KCTD6: variants seen among roughly 807,000 people sequenced by gnomAD.
KCTD6 encodes BTB/POZ domain-containing protein KCTD6.
A neutral mutation model predicts 18.7 loss-of-function variants in KCTD6; 6 were observed. That is an observed-to-expected ratio of 0.32 (90% CI 0.18 to 0.63). The LOEUF is 0.63. Ranked by LOEUF, KCTD6 falls within the 30% of genes least tolerant of loss-of-function variation. The probability of loss-of-function intolerance (pLI) is 0.79; values close to 1 mark genes in which losing one functional copy is unlikely to be tolerated. For missense variants in KCTD6, 165 were observed against 300.2 expected (o/e 0.55, Z 3.33); for synonymous variants, 86 against 108.5 (o/e 0.79, Z 1.29).
chr3:58,500,866 C>T (rs1416396943), intron 2 of KCTD6, 80 bp from the exon 3 acceptor site: 6 of 876,544 alleles, frequency 6.8e-6, no homozygotes, highest in African/African-American at 6.7e-5. Context: ...GGGCTTTGCT[C>T]AGTATCACTT....
At chr3:58,500,064 T>C (rs752237556) in intron 2 of KCTD6, among the ~76,000 whole-genome samples, 8 of 152,126 alleles carry the variant, frequency 5.3e-5, no homozygotes, top group Non-Finnish European at 1.0e-4. Flanking sequence ...AAAGTATCAC[T>C]TCCATGAAAA....
In KCTD6 at chr3:58,498,405, G is replaced by A; in HGVS notation, c.-43-308G>A. On this transcript the variant is annotated intron_variant, in intron 1 of 2. Transcript: ENST00000404589. The surrounding 1 kb of genome is among the most constrained non-coding windows in gnomAD (Gnocchi z 4.6). ...TAAAAATTGATGTTCTAAGAAGAGAGGTAGAATTTGAATGACTGGGTTACT... is the reference window on the plus strand; with the variant it reads ...TAAAAATTGATGTTCTAAGAAGAGAAGTAGAATTTGAATGACTGGGTTACT... 1 of 228,060 alleles carries A rather than the reference G, an allele frequency of 4.4e-6. No individual in the cohort carries two copies. The highest frequency in any genetic ancestry group is 5.8e-5 in the Admixed American group (1 of 17,162). 14.1% of individuals were successfully genotyped at this position (228,060 alleles called of 1,614,324 possible). A position where few individuals can be genotyped will look rare whatever the true frequency, so the allele number is the denominator to read the frequency against.
intron 2 of KCTD6, among the ~76,000 whole-genome samples, chr3:58,499,547 C>CT (rs11418436): frequency 0.37 from 44,589 of 121,828 alleles, 8,660 homozygotes; most frequent in African/African-American, 0.42. Context: ...TTCTTTCTTC[C>CT]TTTTTTTTTT....
Position 58,498,659 on chromosome 3 carries a change from C to CTA in KCTD6, c.-43-53_-43-52insAT. The CTA allele has an allele frequency of 2.1e-6, 2 of 935,980 alleles. No individual in the cohort carries two copies. Among genetic ancestry groups the CTA allele is most frequent in the Non-Finnish European group, 3.5e-6 (2 of 577,420 alleles). The allele number at this position is 935,980 out of a possible 1,614,324, so 58.0% of individuals were successfully genotyped here. ...CTGTTGGGTGGAAAAAGACTTTCTT[C>CTA]TCTATTTTCCTAGTTATATATGCTA... is the stretch of plus-strand genomic sequence containing the variant. On this transcript the variant is annotated intron_variant, in intron 1 of 2. Transcript: ENST00000404589. This position sits in a 1 kb window ranked among gnomAD's most constrained non-coding sequence, Gnocchi z 4.6.
In KCTD6 at chr3:58,501,013, G is replaced by A. The variant is rs2063202563; in HGVS notation, c.95G>A (p.Arg32His). The A allele has an allele frequency of 6.2e-6, 10 of 1,613,550 alleles. No individual in the cohort carries two copies. Among genetic ancestry groups the A allele is most frequent in the Non-Finnish European group, 8.5e-6 (10 of 1,179,818 alleles). ...LYTTSLTTLT[R>H]YPDSMLGAMF... ...ACAACGTCTCTCACCACATTGACGC[G>A]TTACCCGGATTCCATGCTTGGAGCT... Residue 32 changes from arginine to histidine, a missense_variant, in exon 3 of 3, where the codon CGT becomes CAT. Transcript: ENST00000404589. The surrounding 1 kb of genome is among the most constrained non-coding windows in gnomAD (Gnocchi z 9.7).
At chr3:58,500,563 AT>A (rs1236767690) in intron 2 of KCTD6, among the ~76,000 whole-genome samples, 1 of 152,162 alleles carries the variant, frequency 6.6e-6, no homozygotes, top group Non-Finnish European at 1.5e-5. Context: ...ATTCAGAAAA[AT>A]GCAAGCCTTA....
rs181677247 is a variant in KCTD6 at position 58,498,395 on chromosome 3, T to G, written c.-43-318T>G. On this transcript the variant is annotated intron_variant, in intron 1 of 2. Coordinates refer to ENST00000404589, the MANE Select transcript of KCTD6 (RefSeq NM_001128214.2). This position sits in a 1 kb window ranked among gnomAD's most constrained non-coding sequence, Gnocchi z 4.6. ...ATATAAATTCTAAAAATTGATGTTC[T>G]AAGAAGAGAGGTAGAATTTGAATGA... 1.0e-3 allele frequency: 222 copies of G among 213,476 alleles called. 1 individual carries two copies. The highest frequency in any genetic ancestry group is 5.0e-3 in the Admixed American group (83 of 16,734). 13.2% of individuals were successfully genotyped at this position (213,476 alleles called of 1,614,324 possible).
intron 1 of KCTD6, chr3:58,494,257 T>G (rs1388346157): frequency 6.6e-6 from 1 of 152,228 alleles, no homozygotes; most frequent in Non-Finnish European, 1.5e-5. Context: ...CACATTATCC[T>G]TGTATGCCTG....
Position 58,496,164 on chromosome 3 carries a change from A to G in KCTD6, c.-43-2549A>G, listed in dbSNP as rs4681688. ...GCCTCAGGAGAATTTTTACAAACCC[A>G]TTATGACTGTTTAGTTAGGCTGAGT... On this transcript the variant is annotated intron_variant, in intron 1 of 2. Transcript: ENST00000404589. This position sits in a 1 kb window ranked among gnomAD's most constrained non-coding sequence, Gnocchi z 5.1. Among the ~76,000 whole-genome samples, 40,539 of 151,924 alleles carry G rather than the reference A, an allele frequency of 0.27. 5,616 individuals are homozygous for G. Among genetic ancestry groups the G allele is most frequent in the African/African-American group, 0.3 (12,484 of 41,440 alleles).
At chr3:58,499,750 G>C (rs2063196390) in intron 2 of KCTD6, among the ~76,000 whole-genome samples, 1 of 151,958 alleles carries the variant, frequency 6.6e-6, no homozygotes, top group Non-Finnish European at 1.5e-5. Flanking sequence ...ATGTTGCCCA[G>C]GCTGGTCAGC....
rs184218210 is a variant in KCTD6 at position 58,493,543 on chromosome 3, C to T, written c.-44+1374C>T. ...AAGAAGTTCCTTCTGAGATCAGGAG[C>T]TCAGGTGTTTGGTGAACTCTGGGAA... On this transcript the variant is annotated intron_variant, in intron 1 of 2. Coordinates refer to ENST00000404589, the MANE Select transcript of KCTD6 (RefSeq NM_001128214.2). This position sits in a 1 kb window ranked among gnomAD's most constrained non-coding sequence, Gnocchi z 4.5. Among the ~76,000 whole-genome samples the T allele has an allele frequency of 3.6e-4, 55 of 152,302 alleles. No individual in the cohort carries two copies. Among genetic ancestry groups the T allele is most frequent in the African/African-American group, 1.3e-3 (54 of 41,568 alleles).
At chr3:58,500,570 C>G (rs2063200580) in intron 2 of KCTD6, among the ~76,000 whole-genome samples, 1 of 151,736 alleles carries the variant, frequency 6.6e-6, no homozygotes, top group African/African-American at 2.4e-5. Context: ...AAAATGCAAG[C>G]CTTAAAAAAA....
chr3:58,495,454 C>G (rs2063171254), intron 1 of KCTD6, among the ~76,000 whole-genome samples: 1 of 152,134 alleles, frequency 6.6e-6, no homozygotes, highest in South Asian at 2.1e-4. Context: ...GTCGTCAATT[C>G]AGAATTCAGA....
chr3:58,501,054 T>A lies in KCTD6; in HGVS notation c.136T>A (p.Phe46Ile). The change falls in exon 3 of 3, where the codon TTC becomes ATC. Residue 46 changes from phenylalanine to isoleucine, a missense_variant. Around this residue, in one of 2 missense-constraint regions of KCTD6, gnomAD observed 59 missense variants for 69.9 expected, o/e 0.84. Coordinates refer to ENST00000404589, the MANE Select transcript of KCTD6 (RefSeq NM_001128214.2). This position sits in a 1 kb window ranked among gnomAD's most constrained non-coding sequence, Gnocchi z 9.7. The stretch of plus-strand genomic sequence containing the variant: ...GCTTGGAGCTATGTTTGGGGGGGAC[T>A]TCCCCACAGCTCGAGACCCTCAAGG... ...SMLGAMFGGDFPTARDPQGNY... is the reference protein window; with the variant it reads ...SMLGAMFGGDIPTARDPQGNY... 6.2e-7 allele frequency: 1 copy of A among 1,614,084 alleles called. No individual in the cohort carries two copies. The highest frequency in any genetic ancestry group is 1.6e-4 in the Middle Eastern group (1 of 6,062).
rs1306304420 is a variant in KCTD6 at position 58,498,503 on chromosome 3, G to T, written c.-43-210G>T. 1 of 479,114 alleles carries T rather than the reference G, an allele frequency of 2.1e-6. No homozygotes were observed. Among genetic ancestry groups the T allele is most frequent in the African/African-American group, 2.0e-5 (1 of 49,136 alleles). The allele number at this position is 479,114 out of a possible 1,614,324, so 29.7% of individuals were successfully genotyped here. A position where few individuals can be genotyped will look rare whatever the true frequency, so the allele number is the denominator to read the frequency against. On this transcript the variant is annotated intron_variant, in intron 1 of 2. Transcript: ENST00000404589. The surrounding 1 kb of genome is among the most constrained non-coding windows in gnomAD (Gnocchi z 4.6). ...GAAAATCTTCAGTCTCTTAGTTCCA[G>T]ATGGGTTCTCTATGGTAAGAATACA...
rs1466141906 is a variant in KCTD6 at position 58,498,709 on chromosome 3, G to A, written c.-43-4G>A. On this transcript the variant is annotated splice_polypyrimidine_tract_variant and splice_region_variant and intron_variant, in intron 1 of 2. Coordinates refer to ENST00000404589, the MANE Select transcript of KCTD6 (RefSeq NM_001128214.2). This position sits in a 1 kb window ranked among gnomAD's most constrained non-coding sequence, Gnocchi z 4.6. Reference sequence around the variant, plus strand: ...ATCATATGTCTGTTTTTCTCCTCTTGAAGTTTCCCTGAAACCTGGGCTCTT... The same window carrying A: ...ATCATATGTCTGTTTTTCTCCTCTTAAAGTTTCCCTGAAACCTGGGCTCTT... 1.3e-6 allele frequency: 2 copies of A among 1,512,090 alleles called. No individual in the cohort carries two copies. The highest frequency in any genetic ancestry group is 1.8e-6 in the Non-Finnish European group (2 of 1,089,846). 93.7% of individuals were successfully genotyped at this position (1,512,090 alleles called of 1,614,324 possible).
rs994978867 is a variant in KCTD6 at position 58,500,188 on chromosome 3, T to C, written c.28-758T>C. 12 of 151,898 alleles carry C rather than the reference T, an allele frequency of 7.9e-5. No individual in the cohort carries two copies. In the East Asian group the frequency reaches 2.1e-3, roughly 27 times the overall value. The allele number at this position is 151,898 out of a possible 1,614,324, so 9.4% of individuals were successfully genotyped here. A position where few individuals can be genotyped will look rare whatever the true frequency, so the allele number is the denominator to read the frequency against. On this transcript the variant is annotated intron_variant, in intron 2 of 2. Transcript: ENST00000404589. ...TGAAGTGAAGTGGCATGATCTTGGCTCACTGCAGCCTGTGCCTCCTGGGTT... is the reference window on the plus strand; with the variant it reads ...TGAAGTGAAGTGGCATGATCTTGGCCCACTGCAGCCTGTGCCTCCTGGGTT...
At position 58,501,689 on chromosome 3, in the gene KCTD6, T is replaced by A; in HGVS notation, c.*57T>A. The A allele has an allele frequency of 5.7e-6, 4 of 703,372 alleles. No individual in the cohort carries two copies. The highest frequency in any genetic ancestry group is 7.7e-6 in the Non-Finnish European group (4 of 516,472). The allele number at this position is 703,372 out of a possible 1,614,324, so 43.6% of individuals were successfully genotyped here. A position where few individuals can be genotyped will look rare whatever the true frequency, so the allele number is the denominator to read the frequency against. ...CTCTCCAGGAAATGGAAGATACTGA[T>A]TTTTTTTTTTAAATCACAGTGTGAG... is the stretch of plus-strand genomic sequence containing the variant. On this transcript the variant is annotated 3_prime_UTR_variant, in exon 3 of 3. Transcript: ENST00000404589. This position sits in a 1 kb window ranked among gnomAD's most constrained non-coding sequence, Gnocchi z 9.7.
chr3:58,495,866 C>CG (rs965406589), intron 1 of KCTD6, among the ~76,000 whole-genome samples: 11 of 148,666 alleles, frequency 7.4e-5, no homozygotes, highest in Non-Finnish European at 3.0e-5. Context: ...TCAGGGACAT[C>CG]GTCTAATTTT....
Sources: gnomAD v4.1 joint callset for allele counts (sites outside exome capture counted in the v4.1 genomes callset) on GRCh38, gnomAD v4.1.1 for gene constraint, gnomAD v4.1.1 regional missense constraint, Gnocchi (gnomAD v3.1) non-coding constraint, MANE v1.5 for transcripts, NCBI Gene and HGNC (gene_info 2026-07-23, HGNC 2026-07-21) for gene names.